Variants in NUDT4 observed in about 807,000 individuals in gnomAD.
NUDT4 encodes diphosphoinositol polyphosphate phosphohydrolase 2.
A neutral mutation model predicts 23.1 loss-of-function variants in NUDT4; 5 were observed. The observed-to-expected ratio is 0.22, with a 90% CI of 0.11 to 0.46. The LOEUF (loss-of-function observed/expected upper bound fraction) is 0.46, where lower values mean the gene tolerates loss of function less well. NUDT4 is among the 20% of genes least tolerant of loss of function. NUDT4 has a pLI of 0.99. For missense variants in NUDT4, 96 were observed against 211.6 expected (o/e 0.45, Z 3.39); for synonymous variants, 50 against 79.0 (o/e 0.63, Z 1.95).
rs1877668963 is a variant in NUDT4 at position 93,404,199 on chromosome 12, TA to T, written c.*4821del. On this transcript the variant is annotated 3_prime_UTR_variant, in exon 5 of 5. Coordinates refer to ENST00000415493, the MANE Select transcript of NUDT4 (RefSeq NM_019094.6). Reference sequence around the variant, plus strand: ...GAAACATGCCTATTGACGAAGTAAATATACTAGGAATTCAACGTATCTACGG... The same window carrying T: ...GAAACATGCCTATTGACGAAGTAAATTACTAGGAATTCAACGTATCTACGG... 1 of 152,184 alleles carries T rather than the reference TA, an allele frequency of 6.6e-6. No homozygotes were observed. Among genetic ancestry groups the T allele is most frequent in the African/African-American group, 2.4e-5 (1 of 41,442 alleles). 9.4% of individuals were successfully genotyped at this position (152,184 alleles called of 1,614,324 possible).
At position 93,400,534 on chromosome 12, in the gene NUDT4, T is replaced by G. The variant is rs1245642327; in HGVS notation, c.*1155T>G. 6.6e-6 allele frequency: 1 copy of G among 152,256 alleles called. No individual in the cohort carries two copies. Among genetic ancestry groups the G allele is most frequent in the Non-Finnish European group, 1.5e-5 (1 of 68,038 alleles). The allele number at this position is 152,256 out of a possible 1,614,324, so 9.4% of individuals were successfully genotyped here. On this transcript the variant is annotated 3_prime_UTR_variant, in exon 5 of 5. Transcript: ENST00000415493. ...CCATCTAAAACACATAGGTACCTTATCTGAAACTCTTGCACTTCCCCAACC... is the reference window on the plus strand; with the variant it reads ...CCATCTAAAACACATAGGTACCTTAGCTGAAACTCTTGCACTTCCCCAACC...
chr12:93,398,330 C>T (rs1877081124), intron 3 of NUDT4, among the ~76,000 whole-genome samples: 1 of 139,164 alleles, frequency 7.2e-6, no homozygotes, highest in Non-Finnish European at 1.5e-5. Flanking sequence ...AAGCGAGACT[C>T]CCTGTCTCAA....
intron 1 of NUDT4, among the ~76,000 whole-genome samples, chr12:93,392,110 C>G (rs2120926311): frequency 6.6e-6 from 1 of 152,038 alleles, no homozygotes; most frequent in African/African-American, 2.4e-5. Flanking sequence ...TCTTGAACCC[C>G]TGACCTCAGA....
intron 1 of NUDT4, among the ~76,000 whole-genome samples, chr12:93,390,447 A>G (rs941461010): frequency 6.6e-6 from 1 of 152,194 alleles, no homozygotes; most frequent in Non-Finnish European, 1.5e-5. Flanking sequence ...TAAGCCTCCA[A>G]TTTTGAATAA....
chr12:93,377,951 G>C lies in NUDT4; in HGVS notation c.-372G>C. On this transcript the variant is annotated 5_prime_UTR_variant, in exon 1 of 5. Transcript: ENST00000415493. Reference sequence around the variant, plus strand: ...GTCGCCGCGGTGCTGCTGCTCAGTGGGAGCGGGTCTTCGCAACTGTCTCCG... The same window carrying C: ...GTCGCCGCGGTGCTGCTGCTCAGTGCGAGCGGGTCTTCGCAACTGTCTCCG... 1 of 279,310 alleles carries C rather than the reference G, an allele frequency of 3.6e-6. No individual in the cohort carries two copies. Among genetic ancestry groups the C allele is most frequent in the South Asian group, 3.3e-5 (1 of 30,184 alleles). 17.3% of individuals were successfully genotyped at this position (279,310 alleles called of 1,614,324 possible).
At chr12:93,394,848 A>AT (rs1036268544) in intron 2 of NUDT4, 129 bp downstream of exon 2, 10,359 of 486,208 alleles carry the variant, frequency 0.021, no homozygotes, top group East Asian at 0.031. Flanking sequence ...TTTAATTTTA[A>AT]TTTTTTTTTT....
chr12:93,407,673 A>T lies in NUDT4; in HGVS notation c.*8294A>T, dbSNP rs939888679. ...TACCCGAATTCTGGATTTTCATGCA[A>T]ATCTCCCAATTTTTAAAAATGTTGG... On this transcript the variant is annotated 3_prime_UTR_variant, in exon 5 of 5. Coordinates refer to ENST00000415493, the MANE Select transcript of NUDT4 (RefSeq NM_019094.6). 1 of 152,176 alleles carries T rather than the reference A, an allele frequency of 6.6e-6. No homozygotes were observed. Among genetic ancestry groups the T allele is most frequent in the Non-Finnish European group, 1.5e-5 (1 of 68,036 alleles). 9.4% of individuals were successfully genotyped at this position (152,176 alleles called of 1,614,324 possible). A position where few individuals can be genotyped will look rare whatever the true frequency, so the allele number is the denominator to read the frequency against.
rs1877851573 is a variant in NUDT4, at chr12:93,406,888, A to G, written c.*7509A>G. On this transcript the variant is annotated 3_prime_UTR_variant, in exon 5 of 5. Transcript: ENST00000415493. ...CTTTAGACCTAAGATCTTGCTAGAC[A>G]GCCTTTGAGAGGATGAAGGATAACT... The G allele has an allele frequency of 6.6e-6, 1 of 152,236 alleles. No homozygotes were observed. Among genetic ancestry groups the G allele is most frequent in the African/African-American group, 2.4e-5 (1 of 41,476 alleles). The allele number at this position is 152,236 out of a possible 1,614,324, so 9.4% of individuals were successfully genotyped here.
intron 1 of NUDT4, among the ~76,000 whole-genome samples, chr12:93,393,385 G>C (rs1379592224): frequency 1.3e-5 from 2 of 151,994 alleles, no homozygotes; most frequent in African/African-American, 4.8e-5. Context: ...TTATAGATGT[G>C]AGCCACCACG....
At chr12:93,386,559 G>A (rs902839723) in intron 1 of NUDT4, among the ~76,000 whole-genome samples, 3 of 151,558 alleles carry the variant, frequency 2.0e-5, no homozygotes, top group Non-Finnish European at 4.4e-5. Flanking sequence ...CAACCTGGGT[G>A]ACAGAGTGAG....
chr12:93,383,692 C>T lies in NUDT4; in HGVS notation c.99+5271C>T, dbSNP rs144287119. ...ACTAAAAATACAATAATTAGCCAGG[C>T]GTGGTGGTGTGTGCCTGTAGTGCTG... On this transcript the variant is annotated intron_variant, in intron 1 of 4. Transcript: ENST00000415493. Among the ~76,000 whole-genome samples the T allele has an allele frequency of 4.8e-3, 732 of 152,144 alleles. 2 individuals are homozygous for T. Among genetic ancestry groups the T allele is most frequent in the African/African-American group, 0.01 (417 of 41,510 alleles).
chr12:93,393,108 T>C lies in NUDT4; in HGVS notation c.100-1501T>C, dbSNP rs201567163. Among the ~76,000 whole-genome samples, 394 of 133,554 alleles carry C rather than the reference T, an allele frequency of 3.0e-3. 2 individuals carry two copies. The highest frequency in any genetic ancestry group is 7.2e-3 in the African/African-American group (238 of 33,280). The allele number at this position is 133,554 out of a possible 152,430, so 87.6% of individuals were successfully genotyped here. ...TTTCAGTCTTTTTTTTTTTTTTTTT[T>C]CCCCGAGATGGAGTCTTGCTCTGTT... is the stretch of plus-strand genomic sequence containing the variant. On this transcript the variant is annotated intron_variant, in intron 1 of 4. Transcript: ENST00000415493.
rs115974023 is a variant in NUDT4 at position 93,387,562 on chromosome 12, G to T, written c.100-7047G>T. On this transcript the variant is annotated intron_variant, in intron 1 of 4. Coordinates refer to ENST00000415493, the MANE Select transcript of NUDT4 (RefSeq NM_019094.6). ...GGTGTGGCGGTTCTTAGGAAACACT[G>T]AGTTATGTTTTCATCTTAATCTCAA... Among the ~76,000 whole-genome samples the T allele has an allele frequency of 3.8e-3, 575 of 152,298 alleles. 5 individuals carry two copies. Among genetic ancestry groups the T allele is most frequent in the African/African-American group, 0.013 (539 of 41,570 alleles).
intron 1 of NUDT4, among the ~76,000 whole-genome samples, chr12:93,390,495 G>C (rs1223296285): frequency 6.6e-6 from 1 of 152,164 alleles, no homozygotes; most frequent in Non-Finnish European, 1.5e-5. Flanking sequence ...TAGTTTCTCT[G>C]TTGAAAGTAG....
chr12:93,378,446 GC>G (rs1446450832), intron 1 of NUDT4, 25 bp downstream of exon 1: 1 of 1,528,294 alleles, frequency 6.5e-7, no homozygotes, highest in African/African-American at 1.4e-5. Flanking sequence ...GCCGCACGCT[GC>G]CCTCCGGGGC....
chr12:93,391,729 C>G (rs569316833), intron 1 of NUDT4, among the ~76,000 whole-genome samples: 73 of 151,908 alleles, frequency 4.8e-4, no homozygotes, highest in Non-Finnish European at 6.8e-4. Flanking sequence ...CAAGTGAGAC[C>G]CTGTCTTAGT....
At chr12:93,391,215 C>T (rs1456043146) in intron 1 of NUDT4, among the ~76,000 whole-genome samples, 1 of 151,972 alleles carries the variant, frequency 6.6e-6, no homozygotes, top group Non-Finnish European at 1.5e-5. Context: ...ATCACTTGAG[C>T]CCATGGTTTT....
Position 93,402,587 on chromosome 12 carries a change from T to TA in NUDT4, c.*3209dup, listed in dbSNP as rs1417340851. 2 of 152,160 alleles carry TA rather than the reference T, an allele frequency of 1.3e-5. No homozygotes were observed. The highest frequency in any genetic ancestry group is 4.8e-5 in the African/African-American group (2 of 41,430). The allele number at this position is 152,160 out of a possible 1,614,324, so 9.4% of individuals were successfully genotyped here. A position where few individuals can be genotyped will look rare whatever the true frequency, so the allele number is the denominator to read the frequency against. On this transcript the variant is annotated 3_prime_UTR_variant, in exon 5 of 5. Transcript: ENST00000415493. ...TTTGTATGATCCTTACTACTGGAAT[T>TA]ACCGGGTTAAAAGGAAATGCTTACC...
In NUDT4 at chr12:93,406,464, T is replaced by TACA; in HGVS notation, c.*7085_*7086insACA. 1 of 152,108 alleles carries TACA rather than the reference T, an allele frequency of 6.6e-6. No homozygotes were observed. The highest frequency in any genetic ancestry group is 1.9e-4 in the East Asian group (1 of 5,190). 9.4% of individuals were successfully genotyped at this position (152,108 alleles called of 1,614,324 possible). A position where few individuals can be genotyped will look rare whatever the true frequency, so the allele number is the denominator to read the frequency against. ...CATAGCACCTGTGACTTTTATCTGT[T>TACA]GGTTTGTATTTAATCTTATTTTTAA... On this transcript the variant is annotated 3_prime_UTR_variant, in exon 5 of 5. Coordinates refer to ENST00000415493, the MANE Select transcript of NUDT4 (RefSeq NM_019094.6).
Sources: allele counts gnomAD v4.1 joint callset (sites outside exome capture counted in the v4.1 genomes callset), GRCh38; gene constraint gnomAD v4.1.1; transcripts MANE v1.5; gene names NCBI Gene and HGNC (gene_info 2026-07-23, HGNC 2026-07-21).